RNF180: variants seen among roughly 807,000 people sequenced by gnomAD.
RNF180 encodes the protein ring finger protein 180.
A neutral mutation model predicts 59.2 loss-of-function variants in RNF180; 38 were observed. That is an observed-to-expected ratio of 0.64 (90% CI 0.50 to 0.84). The LOEUF (loss-of-function observed/expected upper bound fraction) is 0.84. Among genes scored for constraint, RNF180 ranks in the 40% least tolerant of loss-of-function variants. RNF180 has a pLI of 0.00. For missense variants in RNF180, 705 were observed against 700.9 expected (o/e 1.01, Z -0.07); for synonymous variants, 262 against 240.3 (o/e 1.09, Z -0.84).
intron 5 of RNF180, among the ~76,000 whole-genome samples, chr5:64,262,247 C>A (rs1744384395): frequency 6.6e-6 from 1 of 151,992 alleles, no homozygotes; most frequent in African/African-American, 2.4e-5. Context: ...CTTGAATTAT[C>A]CATTCTTTAA....
intron 5 of RNF180, among the ~76,000 whole-genome samples, chr5:64,234,711 G>A (rs372893415): frequency 1.4e-4 from 19 of 140,042 alleles, no homozygotes; most frequent in East Asian, 7.5e-4. Context: ...CCCATTCTCC[G>A]GCCTCAGCCT....
At chr5:64,166,112 G>T (rs1017773638) in intron 1 of RNF180, 159 bp downstream of exon 1, 1 of 152,264 alleles carries the variant, frequency 6.6e-6, no homozygotes, top group African/African-American at 2.4e-5. Flanking sequence ...CCGCTGGCCT[G>T]GCCGCCTCTC....
At chr5:64,294,862 C>T (rs897821146) in intron 5 of RNF180, among the ~76,000 whole-genome samples, 2 of 152,102 alleles carry the variant, frequency 1.3e-5, no homozygotes, top group Non-Finnish European at 2.9e-5. Context: ...ATGCAGACAC[C>T]TGTGTAACCC....
At chr5:64,177,079 G>A (rs1466985950) in intron 1 of RNF180, among the ~76,000 whole-genome samples, 1 of 152,116 alleles carries the variant, frequency 6.6e-6, no homozygotes, top group Non-Finnish European at 1.5e-5. Flanking sequence ...GGTGGAATTT[G>A]TTAATTCTCA....
At chr5:64,303,569 C>G (rs1743275431) in intron 5 of RNF180, among the ~76,000 whole-genome samples, 2 of 151,684 alleles carry the variant, frequency 1.3e-5, no homozygotes, top group Admixed American at 1.3e-4. Flanking sequence ...ATGAAACCAG[C>G]CACAATATTC....
intron 1 of RNF180, among the ~76,000 whole-genome samples, chr5:64,182,344 T>G (rs1210335638): frequency 6.6e-6 from 1 of 152,170 alleles, no homozygotes; most frequent in African/African-American, 2.4e-5. Context: ...TCCAATTGCT[T>G]TAGAGGATCT....
At chr5:64,358,054 C>T (rs1746100097) in intron 7 of RNF180, among the ~76,000 whole-genome samples, 1 of 151,820 alleles carries the variant, frequency 6.6e-6, no homozygotes, top group Admixed American at 6.6e-5. Context: ...ATTTTTATCA[C>T]CTGTTTCTTC....
chr5:64,320,591 A>T (rs986834514), intron 5 of RNF180, among the ~76,000 whole-genome samples: 16 of 152,344 alleles, frequency 1.1e-4, no homozygotes, highest in Admixed American at 5.2e-4. Context: ...AAGTGAGGGA[A>T]TCTGTGTCAG....
At chr5:64,316,397 A>C (rs1744045331) in intron 5 of RNF180, among the ~76,000 whole-genome samples, 1 of 152,222 alleles carries the variant, frequency 6.6e-6, no homozygotes, top group Non-Finnish European at 1.5e-5. Flanking sequence ...TCACACCAAG[A>C]TACTGCAGAA....
At chr5:64,338,226 A>T (rs1012040361) in intron 7 of RNF180, among the ~76,000 whole-genome samples, 4 of 152,210 alleles carry the variant, frequency 2.6e-5, no homozygotes, top group African/African-American at 9.6e-5. Context: ...GGACAATTTT[A>T]TATCTTTCAA....
intron 5 of RNF180, among the ~76,000 whole-genome samples, chr5:64,256,175 CTTTTG>C (rs1424617847): frequency 6.6e-6 from 1 of 152,068 alleles, no homozygotes; most frequent in African/African-American, 2.4e-5. Context: ...ATGGTAGTTT[CTTTTG>C]CTGTGCAGAA....
chr5:64,328,198 C>T (rs968990761), intron 6 of RNF180, among the ~76,000 whole-genome samples: 1 of 151,736 alleles, frequency 6.6e-6, no homozygotes, highest in African/African-American at 2.4e-5. Context: ...AATACAATAC[C>T]ACTTTTTTGG....
chr5:64,275,478 A>C (rs1741663992), intron 5 of RNF180, among the ~76,000 whole-genome samples: 1 of 151,428 alleles, frequency 6.6e-6, no homozygotes. Flanking sequence ...AAAGGAAATA[A>C]TTTAAGAATG....
At chr5:64,305,909 C>CAATG (rs1743421561) in intron 5 of RNF180, among the ~76,000 whole-genome samples, 1 of 151,560 alleles carries the variant, frequency 6.6e-6, no homozygotes, top group Admixed American at 6.6e-5. Flanking sequence ...TAGAACCATG[C>CAATG]AATGACTCTT....
chr5:64,326,414 C>T (rs894771809), intron 6 of RNF180, among the ~76,000 whole-genome samples: 2 of 152,076 alleles, frequency 1.3e-5, no homozygotes, highest in Non-Finnish European at 2.9e-5. Context: ...TATAGTGACT[C>T]ACATATTGTA....
At chr5:64,217,521 C>G in intron 5 of RNF180, 125 bp downstream of exon 5, 1 of 1,265,936 alleles carries the variant, frequency 7.9e-7, no homozygotes, top group East Asian at 3.0e-5. Flanking sequence ...CACTGGTATT[C>G]TCAGTGTTTT....
intron 1 of RNF180, among the ~76,000 whole-genome samples, chr5:64,166,522 G>T (rs1749650387): frequency 6.6e-6 from 1 of 152,192 alleles, no homozygotes; most frequent in South Asian, 2.1e-4. Flanking sequence ...CATAAGCTCT[G>T]AAATCCATCG....
rs562456168 is a variant in RNF180, at chr5:64,323,539, A to AAAT, written c.1228-1630_1228-1628dup. ...GACGACAGAGTAAGACTCGGTGTCA[A>AAAT]AATAATAATAATAATAATAGAATAT... On this transcript the variant is annotated intron_variant, in intron 5 of 7. Transcript: ENST00000389100. Among the ~76,000 whole-genome samples, 29 of 151,878 alleles carry AAAT rather than the reference A, an allele frequency of 1.9e-4. No individual in the cohort carries two copies. The East Asian group carries it at 2.5e-3, about 13-fold the overall frequency.
At chr5:64,232,692 G>T (rs562447945) in intron 5 of RNF180, among the ~76,000 whole-genome samples, 1 of 152,272 alleles carries the variant, frequency 6.6e-6, no homozygotes, top group African/African-American at 2.4e-5. Context: ...ATTTTTACGT[G>T]GGAGTCAAAA....
Sources: gnomAD v4.1 joint callset for allele counts (sites outside exome capture counted in the v4.1 genomes callset) on GRCh38, gnomAD v4.1.1 for gene constraint, MANE v1.5 for transcripts, NCBI Gene and HGNC (gene_info 2026-07-23, HGNC 2026-07-21) for gene names.